Variants in TENM1 observed in about 807,000 individuals in gnomAD.
TENM1 encodes the protein teneurin-1.
In TENM1, 35 loss-of-function variants were observed where a neutral mutation model predicts 174.8. The ratio of observed to expected loss-of-function variants is 0.20; its 90% CI spans 0.15 to 0.27. TENM1 has a LOEUF of 0.27. Ranked by LOEUF, TENM1 falls within the 10% of genes least tolerant of loss-of-function variation. TENM1 has a pLI of 1.00. For missense variants in TENM1, 1,633 were observed against 2,130.1 expected (o/e 0.77, Z 4.59); for synonymous variants, 781 against 798.7 (o/e 0.98, Z 0.37).
At chrX:124,861,004 T>G (rs972408651) in intron 3 of TENM1, among the ~76,000 whole-genome samples, 2 of 111,727 alleles carry the variant, frequency 1.8e-5, no homozygotes, top group African/African-American at 6.5e-5. Flanking sequence ...ATTAGTTTGA[T>G]ATACAAATGA....
At chrX:125,130,211 A>T in the TENM1 span, among the ~76,000 whole-genome samples, 1,447 of 111,359 alleles carry the variant, frequency 0.013, 27 homozygotes, top group African/African-American at 0.044. Context: ...ACCATGCTAC[A>T]ACCAAAACTT....
Position 124,418,813 on chromosome X carries a change from C to T in TENM1, c.4982+1498G>A, listed in dbSNP as rs183766299. Among the ~76,000 whole-genome samples, 25 of 111,725 alleles carry T rather than the reference C, an allele frequency of 2.2e-4. No homozygotes were observed. In the East Asian group the frequency reaches 5.6e-3, roughly 25 times the overall value. On this transcript the variant is annotated intron_variant, in intron 25 of 31. Transcript: ENST00000422452. ...GCCTAATTTCAGCTGCAGTGTGATC[C>T]GGCTTGAGTTTTTAAAAAAGACATT...
the TENM1 span, among the ~76,000 whole-genome samples, chrX:125,094,695 T>C: frequency 8.9e-6 from 1 of 112,107 alleles, no homozygotes; most frequent in Admixed American, 9.5e-5. Context: ...ATTGATGTGG[T>C]GACTGTGTGA....
At chrX:124,466,553 A>G (rs1017907427) in intron 22 of TENM1, among the ~76,000 whole-genome samples, 4 of 112,106 alleles carry the variant, frequency 3.6e-5, no homozygotes, top group African/African-American at 1.3e-4. Flanking sequence ...TTATTTGAAT[A>G]ATGTCATACT....
At chrX:124,576,012 C>T (rs1000032350) in intron 11 of TENM1, among the ~76,000 whole-genome samples, 1 of 111,773 alleles carries the variant, frequency 8.9e-6, no homozygotes, top group Admixed American at 9.5e-5. Context: ...TCATTTGACC[C>T]ATTAGGTACC....
intron 1 of TENM1, among the ~76,000 whole-genome samples, chrX:124,929,495 A>T (rs779208118): frequency 8.9e-6 from 1 of 112,168 alleles, no homozygotes; most frequent in South Asian, 3.7e-4. Context: ...AAATTCTACC[A>T]GAGATTATGT....
intron 4 of TENM1, among the ~76,000 whole-genome samples, chrX:124,711,565 C>T (rs946856964): frequency 7.2e-5 from 8 of 111,745 alleles, no homozygotes; most frequent in Admixed American, 6.7e-4. Context: ...AGGAATTCAA[C>T]TTGCTTCCAG....
intron 4 of TENM1, among the ~76,000 whole-genome samples, chrX:124,711,297 G>C (rs1043788826): frequency 2.6e-4 from 29 of 111,608 alleles, no homozygotes; most frequent in Non-Finnish European, 3.0e-4. Flanking sequence ...CTATAAAAAA[G>C]GGGAAAATGT....
intron 15 of TENM1, among the ~76,000 whole-genome samples, chrX:124,536,361 G>T (rs1252910761): frequency 1.8e-5 from 2 of 111,480 alleles, no homozygotes; most frequent in Non-Finnish European, 3.8e-5. Flanking sequence ...GTTGGTCACT[G>T]CCCCAAATAA....
chrX:124,890,683 G>T (rs923001221), intron 3 of TENM1, among the ~76,000 whole-genome samples: 8 of 110,300 alleles, frequency 7.3e-5, no homozygotes, highest in African/African-American at 2.3e-4. Context: ...AATAACAAAT[G>T]CTGGCAAGGA....
chrX:124,648,840 T>A lies in TENM1; in HGVS notation c.1580-2030A>T, dbSNP rs1252856426. On this transcript the variant is annotated intron_variant, in intron 8 of 31. Transcript: ENST00000422452. ...AAGCAGCCTTGTGGGAATGTAGCTC[T>A]TCTGGAAAAAATGTTTAATAAAGCT... Among the ~76,000 whole-genome samples, 4 of 112,145 alleles carry A rather than the reference T, an allele frequency of 3.6e-5. No individual in the cohort carries two copies. In the Admixed American group the frequency reaches 3.8e-4, roughly 11 times the overall value.
At chrX:124,493,501 T>A (rs2047116827) in intron 20 of TENM1, among the ~76,000 whole-genome samples, 1 of 111,405 alleles carries the variant, frequency 9.0e-6, no homozygotes, top group Admixed American at 9.6e-5. Flanking sequence ...CTTTATAGGG[T>A]TAACTATGTA....
At position 124,798,685 on chromosome X, in the gene TENM1, C is replaced by T. The variant is rs144857106; in HGVS notation, c.536-61488G>A. Among the ~76,000 whole-genome samples, 708 of 111,289 alleles carry T rather than the reference C, an allele frequency of 6.4e-3. 6 individuals carry two copies. Among genetic ancestry groups the T allele is most frequent in the African/African-American group, 0.022 (662 of 30,639 alleles). On this transcript the variant is annotated intron_variant, in intron 3 of 31. Coordinates refer to ENST00000422452, the Ensembl canonical transcript of TENM1. ...TTTCTTTTGCTGTGCAGAAGTTCTT[C>T]AGTTTAATTAGATCCCATTTGTCAA... is the stretch of plus-strand genomic sequence containing the variant.
At chrX:125,105,398 T>G in the TENM1 span, among the ~76,000 whole-genome samples, 1 of 111,368 alleles carries the variant, frequency 9.0e-6, no homozygotes, top group African/African-American at 3.3e-5. Context: ...TGACATCTCG[T>G]GAAGAGTATG....
chrX:124,587,774 T>C (rs2049581810), intron 11 of TENM1, among the ~76,000 whole-genome samples: 1 of 110,647 alleles, frequency 9.0e-6, no homozygotes, highest in Non-Finnish European at 1.9e-5. Context: ...GGGAGAAAAT[T>C]TTCACAACCT....
At chrX:125,200,514 A>T in the TENM1 span, among the ~76,000 whole-genome samples, 2 of 110,718 alleles carry the variant, frequency 1.8e-5, no homozygotes, top group African/African-American at 3.3e-5. Flanking sequence ...TTAAGTACGC[A>T]TGGATTATTA....
At chrX:124,579,512 G>A (rs1226700588) in intron 11 of TENM1, among the ~76,000 whole-genome samples, 1 of 111,576 alleles carries the variant, frequency 9.0e-6, no homozygotes, top group Non-Finnish European at 1.9e-5. Context: ...AACAGTCCAT[G>A]GTCTAAGATG....
chrX:124,964,059 C>A (rs183748652), upstream of TENM1, among the ~76,000 whole-genome samples: 233 of 112,062 alleles, frequency 2.1e-3, no homozygotes, highest in African/African-American at 6.8e-3. Flanking sequence ...AAAAGAGAGA[C>A]AGCCTTCAAA....
chrX:124,909,344 G>A (rs901986253), intron 1 of TENM1, among the ~76,000 whole-genome samples: 1 of 111,901 alleles, frequency 8.9e-6, no homozygotes, highest in African/African-American at 3.2e-5. Flanking sequence ...TTTGTGCAAT[G>A]TGAATGTGGC....
Sources: gnomAD v4.1 joint callset for allele counts (sites outside exome capture counted in the v4.1 genomes callset) on GRCh38, gnomAD v4.1.1 for gene constraint, MANE v1.5 for transcripts, NCBI Gene and HGNC (gene_info 2026-07-23, HGNC 2026-07-21) for gene names.